The following APBA2 variants were observed in gnomAD, a reference collection of about 807,000 sequenced individuals.
The protein encoded by APBA2 is amyloid-beta A4 precursor protein-binding family A member 2.
Under a neutral mutation model 75.0 loss-of-function variants are expected in APBA2, and 30 were observed. That is an observed-to-expected ratio of 0.40 (90% CI 0.30 to 0.54). The LOEUF is 0.54. Among genes scored for constraint, APBA2 ranks in the 20% least tolerant of loss-of-function variants. The pLI, the probability that APBA2 is intolerant of heterozygous loss-of-function variation, is 0.49. For synonymous variants in APBA2, 444 were observed against 409.6 expected (o/e 1.08, Z -1.01); for missense variants, 801 against 1,016.1 (o/e 0.79, Z 2.88).
At chr15:29,104,574 T>C (rs1289156617) in intron 10 of APBA2, among the ~76,000 whole-genome samples, 1 of 152,216 alleles carries the variant, frequency 6.6e-6, no homozygotes, top group East Asian at 1.9e-4. Context: ...GTGACGTGCT[T>C]CATGGGGCCT....
intron 2 of APBA2, among the ~76,000 whole-genome samples, chr15:28,926,626 T>C (rs1421941066): frequency 2.0e-5 from 3 of 152,194 alleles, no homozygotes; most frequent in Non-Finnish European, 4.4e-5. Context: ...ATACCTCTTT[T>C]TTATGTAGAT....
At chr15:28,958,434 A>G (rs1383621242) in intron 2 of APBA2, among the ~76,000 whole-genome samples, 1 of 152,242 alleles carries the variant, frequency 6.6e-6, no homozygotes, top group Non-Finnish European at 1.5e-5. Flanking sequence ...AAGTGCACAG[A>G]TAGGTGAAGA....
At chr15:28,920,808 A>G (rs2033933161) in intron 1 of APBA2, among the ~76,000 whole-genome samples, 1 of 152,150 alleles carries the variant, frequency 6.6e-6, no homozygotes, top group South Asian at 2.1e-4. Flanking sequence ...CTGAACCCCC[A>G]TATCTCAGTG....
chr15:29,101,868 C>G (rs752746551), intron 10 of APBA2, 84 bp downstream of exon 10: 1 of 1,393,540 alleles, frequency 7.2e-7, no homozygotes, highest in Non-Finnish European at 1.0e-6. Flanking sequence ...TGGAAACCAC[C>G]CTCAGGTGGA....
chr15:29,032,074 A>G (rs371701075), intron 3 of APBA2, among the ~76,000 whole-genome samples: 45 of 152,348 alleles, frequency 3.0e-4, no homozygotes, highest in African/African-American at 1.1e-3. Context: ...CAGGATAGGA[A>G]GAGGTGACAC....
chr15:28,897,533 A>G (rs1410919359), intron 1 of APBA2, among the ~76,000 whole-genome samples: 4 of 144,748 alleles, frequency 2.8e-5, no homozygotes, highest in Non-Finnish European at 1.5e-5. Context: ...TGGGAGAATC[A>G]CCTGAACCCG....
In APBA2 at chr15:29,008,856, C is replaced by T. The variant is rs1487946236; in HGVS notation, c.-41+13050C>T. ...CTGGGAGTTGGTTTCCATTCCCTCA[C>T]CTCTCCTGTTCTCTCTGACAAAGGT... On this transcript the variant is annotated intron_variant, in intron 3 of 14. Transcript: ENST00000683413. 2.0e-5 allele frequency among the ~76,000 whole-genome samples: 3 copies of T among 152,238 alleles called. No individual in the cohort carries two copies. In the East Asian group the frequency reaches 5.8e-4, roughly 29 times the overall value.
chr15:29,075,469 C>CCAT (rs1304662919), intron 5 of APBA2, among the ~76,000 whole-genome samples: 5 of 152,118 alleles, frequency 3.3e-5, no homozygotes, highest in Non-Finnish European at 5.9e-5. Flanking sequence ...TGTACCTACC[C>CCAT]CATCCCCATC....
intron 3 of APBA2, among the ~76,000 whole-genome samples, chr15:29,009,464 C>T (rs1028200672): frequency 2.6e-5 from 4 of 151,924 alleles, no homozygotes; most frequent in African/African-American, 7.3e-5. Flanking sequence ...TGTTTATTAC[C>T]ATGAATATTT....
At chr15:29,105,683 G>C in intron 11 of APBA2, 125 bp downstream of exon 11, 2 of 1,031,900 alleles carry the variant, frequency 1.9e-6, no homozygotes, top group East Asian at 5.1e-5. Flanking sequence ...CTCCAGTGGG[G>C]CCCGGAATGT....
chr15:29,063,995 C>G, intron 4 of APBA2, among the ~76,000 whole-genome samples: 1 of 152,102 alleles, frequency 6.6e-6, no homozygotes, highest in East Asian at 1.9e-4. Flanking sequence ...TCTGCAGGGC[C>G]CTCCTGAATG....
At chr15:28,905,423 G>A (rs2033084202) in intron 1 of APBA2, among the ~76,000 whole-genome samples, 1 of 152,200 alleles carries the variant, frequency 6.6e-6, no homozygotes. Context: ...GAATTTTAAA[G>A]TGCTTGTCTA....
At chr15:29,085,608 G>C (rs2043258287) in intron 6 of APBA2, among the ~76,000 whole-genome samples, 1 of 151,990 alleles carries the variant, frequency 6.6e-6, no homozygotes, top group African/African-American at 2.4e-5. Flanking sequence ...GTTGTTGTTA[G>C]CACAGTTGAT....
In APBA2 at chr15:29,117,616, C is replaced by T. The variant is rs192041550; in HGVS notation, c.*483C>T. The T allele has an allele frequency of 2.9e-5, 5 of 170,718 alleles. No homozygotes were observed. Among genetic ancestry groups the T allele is most frequent in the African/African-American group, 9.5e-5 (4 of 42,036 alleles). The allele number at this position is 170,718 out of a possible 1,614,324, so 10.6% of individuals were successfully genotyped here. A position where few individuals can be genotyped will look rare whatever the true frequency, so the allele number is the denominator to read the frequency against. On this transcript the variant is annotated 3_prime_UTR_variant, in exon 15 of 15. Transcript: ENST00000683413. ...CTGCCTCTGCCACTGACTGCAGGGA[C>T]ACGGGCAGCCTGGCTCCCAGGACAC...
chr15:28,892,154 A>T (rs2032173174), intron 1 of APBA2, among the ~76,000 whole-genome samples: 1 of 152,166 alleles, frequency 6.6e-6, no homozygotes, highest in South Asian at 2.1e-4. Flanking sequence ...AGCTCACGGC[A>T]AGCTCTGCCT....
chr15:29,094,506 A>G (rs1335934765), intron 8 of APBA2, among the ~76,000 whole-genome samples, 193 bp downstream of exon 8: 1 of 152,194 alleles, frequency 6.6e-6, no homozygotes, highest in Non-Finnish European at 1.5e-5. Flanking sequence ...TTAACCACCC[A>G]TTTATGGAAG....
At position 28,892,889 on chromosome 15, in the gene APBA2, A is replaced by G. The variant is rs544361584; in HGVS notation, c.-205+6611A>G. Among the ~76,000 whole-genome samples the G allele has an allele frequency of 5.9e-5, 9 of 152,350 alleles. No individual in the cohort carries two copies. In the South Asian group the frequency reaches 1.9e-3, roughly 32 times the overall value. On this transcript the variant is annotated intron_variant, in intron 1 of 14. Coordinates refer to ENST00000683413, the MANE Select transcript of APBA2 (RefSeq NM_001353788.2). The stretch of plus-strand genomic sequence containing the variant: ...CCATTGTTGCAAAAACAGGAAAACC[A>G]CTAATTGAGTGAATGCGTGCATTTA...
intron 2 of APBA2, among the ~76,000 whole-genome samples, chr15:28,976,584 A>G (rs556489803): frequency 1.1e-4 from 16 of 152,304 alleles, no homozygotes; most frequent in Admixed American, 3.9e-4. Context: ...TTGGGCATCA[A>G]TTGAGATGAT....
chr15:28,959,989 C>T (rs1183682814), intron 2 of APBA2, among the ~76,000 whole-genome samples: 2 of 151,990 alleles, frequency 1.3e-5, no homozygotes, highest in African/African-American at 4.8e-5. Context: ...ACTAAAAATA[C>T]AAACAATTAG....
Sources: gnomAD v4.1 joint callset for allele counts (sites outside exome capture counted in the v4.1 genomes callset) on GRCh38, gnomAD v4.1.1 for gene constraint, MANE v1.5 for transcripts, NCBI Gene and HGNC (gene_info 2026-07-23, HGNC 2026-07-21) for gene names.